CRTC3: variants seen among roughly 807,000 people sequenced by gnomAD.
CRTC3 encodes the protein CREB regulated transcription coactivator 3.
Under a neutral mutation model 74.5 loss-of-function variants are expected in CRTC3, and 26 were observed. The ratio of observed to expected loss-of-function variants is 0.35; its 90% CI spans 0.26 to 0.48. CRTC3 has a LOEUF of 0.48. CRTC3 is among the 20% of genes least tolerant of loss of function. The pLI is 0.99. For missense variants in CRTC3, 760 were observed against 787.3 expected (o/e 0.97, Z 0.41); for synonymous variants, 377 against 325.8 (o/e 1.16, Z -1.69).
chr15:90,626,074 T>C lies in CRTC3; in HGVS notation c.967+81T>C, dbSNP rs529459297. On this transcript the variant is annotated intron_variant, in intron 10 of 14. Transcript: ENST00000268184. ...CCATGTGGCCTGTTCAGTGAATCAT[T>C]GAATGAGAATGACTGCATCCCAGTT... 2.3e-4 allele frequency: 229 copies of C among 993,672 alleles called. No homozygotes were observed. The African/African-American group carries it at 3.4e-3, about 15-fold the overall frequency. 61.6% of individuals were successfully genotyped at this position (993,672 alleles called of 1,614,324 possible).
chr15:90,642,328 C>G lies in CRTC3; in HGVS notation c.*188C>G, dbSNP rs1019595215. The G allele has an allele frequency of 2.7e-5, 16 of 596,834 alleles. No individual in the cohort carries two copies. Among genetic ancestry groups the G allele is most frequent in the Middle Eastern group, 4.4e-4 (1 of 2,252 alleles). The allele number at this position is 596,834 out of a possible 1,614,324, so 37.0% of individuals were successfully genotyped here. A position where few individuals can be genotyped will look rare whatever the true frequency, so the allele number is the denominator to read the frequency against. ...TTCCTCCAGATCACACAGCTTTGTACTGCCTCTCCCGCCTGTGGCCAAAGT... is the reference window on the plus strand; with the variant it reads ...TTCCTCCAGATCACACAGCTTTGTAGTGCCTCTCCCGCCTGTGGCCAAAGT... On this transcript the variant is annotated 3_prime_UTR_variant, in exon 15 of 15. Transcript: ENST00000268184.
Position 90,619,768 on chromosome 15 carries a change from T to C in CRTC3, c.727T>C (p.Ser243Pro). The C allele has an allele frequency of 6.2e-7, 1 of 1,613,970 alleles. No individual in the cohort carries two copies. Among genetic ancestry groups the C allele is most frequent in the East Asian group, 2.2e-5 (1 of 44,884 alleles). Residue 243 changes from serine (S) to proline (P), a missense_variant, in exon 9 of 15, where the codon TCC (serine) becomes CCC (proline). Around this residue, in one of 2 missense-constraint regions of CRTC3, gnomAD observed 652 missense variants for 635.2 expected, o/e 1.03. Transcript: ENST00000268184. ...TCAGTCCCTGTCAGGACGCCCTCGATCCTGTGATGTTGGAGGTGGCAAGTA... is the reference window on the plus strand; with the variant it reads ...TCAGTCCCTGTCAGGACGCCCTCGACCCTGTGATGTTGGAGGTGGCAAGTA... Reference protein sequence around the residue: ...EIQSLSGRPRSCDVGGGNAFP... With the variant: ...EIQSLSGRPRPCDVGGGNAFP...
rs200506922 is a variant in CRTC3 at position 90,607,456 on chromosome 15, G to A, written c.555G>A (p.Ser185=). 1.6e-4 allele frequency: 258 copies of A among 1,609,922 alleles called. No homozygotes were observed. In the East Asian group the frequency reaches 5.1e-3, roughly 32 times the overall value. The part of the protein sequence containing the change: ...PQDPYGGGGQ[S]AWPAPYMGFC... ...ACCCCTATGGAGGAGGGGGCCAGTC[G>A]GCCTGGCCTGCCCCATACATGGGTA... The change falls in exon 6 of 15, where the codon TCG becomes TCA. Residue 185 remains serine (S), a synonymous_variant. Coordinates refer to ENST00000268184, the MANE Select transcript of CRTC3 (RefSeq NM_022769.5).
intron 7 of CRTC3, 66 bp downstream of exon 7, chr15:90,614,554 A>G (rs1968440855): frequency 1.9e-6 from 2 of 1,034,070 alleles, no homozygotes; most frequent in Non-Finnish European, 3.0e-6. Flanking sequence ...ACCTTTCAAT[A>G]CCTTTACTAA....
rs891775739 is a variant in CRTC3 at position 90,644,970 on chromosome 15, G to T, written c.*2830G>T. On this transcript the variant is annotated 3_prime_UTR_variant, in exon 15 of 15. Coordinates refer to ENST00000268184, the MANE Select transcript of CRTC3 (RefSeq NM_022769.5). ...TGGGTTTTAGGACATAGGGGGTTAG[G>T]AGAAGGGGTTTCTTGATCATGTCAT... The T allele has an allele frequency of 4.3e-6, 1 of 232,350 alleles. No individual in the cohort carries two copies. Among genetic ancestry groups the T allele is most frequent in the Non-Finnish European group, 8.5e-6 (1 of 117,572 alleles). 14.4% of individuals were successfully genotyped at this position (232,350 alleles called of 1,614,324 possible).
At chr15:90,531,828 G>A (rs1046098763) in intron 1 of CRTC3, among the ~76,000 whole-genome samples, 3 of 152,012 alleles carry the variant, frequency 2.0e-5, no homozygotes, top group South Asian at 2.1e-4. Context: ...TACCTATGGC[G>A]GATCCAATCT....
At chr15:90,629,109 G>A in intron 10 of CRTC3, 125 bp from the exon 11 acceptor site, 1 of 875,330 alleles carries the variant, frequency 1.1e-6, no homozygotes, top group South Asian at 1.8e-5. Flanking sequence ...TAGGAGAGCT[G>A]TCCAGGAGCT....
intron 5 of CRTC3, among the ~76,000 whole-genome samples, chr15:90,605,278 G>C (rs1968187306): frequency 6.6e-6 from 1 of 152,020 alleles, no homozygotes; most frequent in Admixed American, 6.6e-5. Context: ...CCGATGAATG[G>C]TGCAAAATTT....
rs563914760 is a variant in CRTC3, at chr15:90,629,422, C to T, written c.1156C>T (p.Arg386Trp). 9 of 1,614,106 alleles carry T rather than the reference C, an allele frequency of 5.6e-6. No individual in the cohort carries two copies. Among genetic ancestry groups the T allele is most frequent in the East Asian group, 2.2e-5 (1 of 44,876 alleles). The change falls in exon 11 of 15, where the codon CGG becomes TGG. Residue 386 changes from arginine (R) to tryptophan (W), a missense_variant. By Grantham distance (101) the Arg-to-Trp change is moderately radical. Around this residue, in one of 2 missense-constraint regions of CRTC3, gnomAD observed 652 missense variants for 635.2 expected, o/e 1.03. Coordinates refer to ENST00000268184, the MANE Select transcript of CRTC3 (RefSeq NM_022769.5). ...TTNLSGPSRR[R>W]QPPVSPLTLS... ...AAACCTGAGCGGCCCGTCTCGGCGT[C>T]GGCAGCCTCCCGTCAGCCCTCTCAC...
At chr15:90,640,167 G>C (rs1157259261) in intron 13 of CRTC3, among the ~76,000 whole-genome samples, 1 of 152,184 alleles carries the variant, frequency 6.6e-6, no homozygotes, top group African/African-American at 2.4e-5. Flanking sequence ...TTCCCAAAGA[G>C]CCATTTTAGT....
chr15:90,568,730 C>T (rs1234944822), intron 2 of CRTC3, among the ~76,000 whole-genome samples: 1 of 152,278 alleles, frequency 6.6e-6, no homozygotes, highest in East Asian at 1.9e-4. Context: ...GAAGTTGATA[C>T]AGCCAACTTC....
intron 2 of CRTC3, among the ~76,000 whole-genome samples, chr15:90,555,392 T>C (rs1015012739): frequency 1.7e-4 from 26 of 152,314 alleles, no homozygotes; most frequent in African/African-American, 6.0e-4. Context: ...TATTATCTGG[T>C]TTATGAAGAA....
rs573517088 is a variant in CRTC3 at position 90,530,882 on chromosome 15, C to G, written c.132+679C>G. 6.6e-6 allele frequency: 1 copy of G among 152,662 alleles called. No individual in the cohort carries two copies. 9.5% of individuals were successfully genotyped at this position (152,662 alleles called of 1,614,324 possible). A position where few individuals can be genotyped will look rare whatever the true frequency, so the allele number is the denominator to read the frequency against. On this transcript the variant is annotated intron_variant, in intron 1 of 14. Coordinates refer to ENST00000268184, the MANE Select transcript of CRTC3 (RefSeq NM_022769.5). The surrounding 1 kb of genome is among the most constrained non-coding windows in gnomAD (Gnocchi z 6.2). ...GGGACCTGGAGGAATGAGTAAGGCGCGAGCCGGGACAAACACCTGGAGAGG... is the reference window on the plus strand; with the variant it reads ...GGGACCTGGAGGAATGAGTAAGGCGGGAGCCGGGACAAACACCTGGAGAGG...
At position 90,629,419 on chromosome 15, in the gene CRTC3, C is replaced by T. The variant is rs886539582; in HGVS notation, c.1153C>T (p.Arg385Cys). 7 of 1,614,106 alleles carry T rather than the reference C, an allele frequency of 4.3e-6. No homozygotes were observed. The highest frequency in any genetic ancestry group is 1.1e-5 in the South Asian group (1 of 91,078). ...STTNLSGPSR[R>C]RQPPVSPLTL... is the part of the protein sequence containing the mutation. ...CACAAACCTGAGCGGCCCGTCTCGG[C>T]GTCGGCAGCCTCCCGTCAGCCCTCT... is the stretch of plus-strand genomic sequence containing the variant. The change falls in exon 11 of 15, where the codon CGT becomes TGT. Residue 385 changes from arginine (R) to cysteine (C), a missense_variant. By Grantham distance (180) the Arg-to-Cys change is radical. This residue lies in a region of CRTC3 where 652 missense variants were observed against 635.2 expected (regional missense o/e 1.03). Coordinates refer to ENST00000268184, the MANE Select transcript of CRTC3 (RefSeq NM_022769.5).
At chr15:90,632,859 C>A (rs557074065) in intron 11 of CRTC3, among the ~76,000 whole-genome samples, 3 of 152,240 alleles carry the variant, frequency 2.0e-5, no homozygotes, top group South Asian at 4.1e-4. Flanking sequence ...CCCGCCTCGG[C>A]GTCCCAAAGT....
chr15:90,545,056 CTT>C, intron 2 of CRTC3, among the ~76,000 whole-genome samples: 2 of 152,282 alleles, frequency 1.3e-5, no homozygotes, highest in Middle Eastern at 6.8e-3. Flanking sequence ...GTCTCTATGA[CTT>C]TGACTATTCT....
intron 11 of CRTC3, among the ~76,000 whole-genome samples, chr15:90,636,763 C>T (rs1208782953): frequency 6.6e-6 from 1 of 152,190 alleles, no homozygotes; most frequent in Non-Finnish European, 1.5e-5. Context: ...AGACACTCTT[C>T]AAAAGAAGAC....
intron 10 of CRTC3, among the ~76,000 whole-genome samples, chr15:90,627,136 G>A (rs11856388): frequency 1.3e-5 from 2 of 152,110 alleles, no homozygotes; most frequent in African/African-American, 2.4e-5. Context: ...TCCCCTTCAG[G>A]GGGGGTCACC....
rs754979770 is a variant in CRTC3 at position 90,629,195 on chromosome 15, C to T, written c.968-39C>T. 4.4e-6 allele frequency: 7 copies of T among 1,580,498 alleles called. No individual in the cohort carries two copies. The Admixed American group carries it at 7.0e-5, about 16-fold the overall frequency. On this transcript the variant is annotated intron_variant, in intron 10 of 14. Coordinates refer to ENST00000268184, the MANE Select transcript of CRTC3 (RefSeq NM_022769.5). ...ATTTTTGGAATACAAAAGATTTGGT[C>T]TGAAATTATAAGTAACTTGTGAATT...
Sources: gnomAD v4.1 joint callset for allele counts (sites outside exome capture counted in the v4.1 genomes callset) on GRCh38, gnomAD v4.1.1 for gene constraint, gnomAD v4.1.1 regional missense constraint, Gnocchi (gnomAD v3.1) non-coding constraint, MANE v1.5 for transcripts, NCBI Gene and HGNC (gene_info 2026-07-23, HGNC 2026-07-21) for gene names.